RBFOX1: variants seen among roughly 807,000 people sequenced by gnomAD.
The protein encoded by RBFOX1 is RNA binding protein fox-1 homolog 1.
A neutral mutation model predicts 57.7 loss-of-function variants in RBFOX1; 8 were observed. The observed-to-expected ratio is 0.14, with a 90% CI of 0.08 to 0.25. The LOEUF (loss-of-function observed/expected upper bound fraction) is 0.25, where lower values mean the gene tolerates loss of function less well. Ranked by LOEUF, RBFOX1 falls within the 10% of genes least tolerant of loss-of-function variation. The probability of loss-of-function intolerance (pLI) is 1.00; values close to 1 mark genes in which losing one functional copy is unlikely to be tolerated. For synonymous variants in RBFOX1, 326 were observed against 222.4 expected (o/e 1.47, Z -4.15); for missense variants, 611 against 548.5 (o/e 1.11, Z -1.14).
intron 1 of RBFOX1, among the ~76,000 whole-genome samples, chr16:6,176,971 G>T (rs1015012196): frequency 6.6e-6 from 1 of 152,180 alleles, no homozygotes; most frequent in Admixed American, 6.5e-5. Flanking sequence ...TTGGTTGTTG[G>T]CGTTGAATAA....
chr16:6,020,971 G>T (rs1026368983), intron 1 of RBFOX1, among the ~76,000 whole-genome samples: 8 of 152,206 alleles, frequency 5.3e-5, no homozygotes, highest in African/African-American at 1.9e-4. Flanking sequence ...GGCTGGGAGA[G>T]CTCATCGCTC....
chr16:7,041,268 C>G (rs983103974), intron 3 of RBFOX1, among the ~76,000 whole-genome samples: 1 of 151,938 alleles, frequency 6.6e-6, no homozygotes, highest in South Asian at 2.1e-4. Flanking sequence ...ACAGTGGCAC[C>G]CATTTGTTTA....
intron 3 of RBFOX1, among the ~76,000 whole-genome samples, chr16:6,739,834 A>C (rs1439847441): frequency 6.6e-6 from 1 of 152,032 alleles, no homozygotes; most frequent in Non-Finnish European, 1.5e-5. Flanking sequence ...CCAAGATTGC[A>C]CCACTTCACT....
intron 4 of RBFOX1, among the ~76,000 whole-genome samples, chr16:7,233,663 G>C (rs2093625423): frequency 6.6e-6 from 1 of 152,194 alleles, no homozygotes; most frequent in Non-Finnish European, 1.5e-5. Context: ...CTTTCAACAA[G>C]AAATGCGACC....
intron 3 of RBFOX1, among the ~76,000 whole-genome samples, chr16:6,762,171 C>T (rs922718603): frequency 2.6e-5 from 4 of 151,886 alleles, no homozygotes; most frequent in African/African-American, 9.7e-5. Context: ...GTAACAGTAA[C>T]ATAAAAATTC....
At chr16:7,229,060 G>C (rs2093327629) in intron 4 of RBFOX1, among the ~76,000 whole-genome samples, 2 of 150,678 alleles carry the variant, frequency 1.3e-5, no homozygotes, top group South Asian at 4.2e-4. Flanking sequence ...TTTTAAAAAT[G>C]GTTAATAGAC....
chr16:5,858,516 C>G (rs993616860), intron 3 of RBFOX1, among the ~76,000 whole-genome samples: 1 of 152,180 alleles, frequency 6.6e-6, no homozygotes, highest in Non-Finnish European at 1.5e-5. Context: ...TCTTTCCTCT[C>G]TTCTGCCTCT....
intron 2 of RBFOX1, among the ~76,000 whole-genome samples, chr16:6,411,296 T>A (rs1417573320): frequency 6.6e-6 from 1 of 152,198 alleles, no homozygotes; most frequent in Non-Finnish European, 1.5e-5. Context: ...TTTATCTAGA[T>A]AACCATAGGT....
chr16:5,448,817 A>G lies in RBFOX1; in HGVS notation c.220-18399A>G, dbSNP rs561102420. ...CCCAGCATTGCTCTAGGCATCTGGG[A>G]TACATTTAGGAGGAAAGCAGATAAA... On this transcript the variant is annotated intron_variant, in intron 1 of 2. Transcript: ENST00000585867. Among the ~76,000 whole-genome samples the G allele has an allele frequency of 3.9e-5, 6 of 152,284 alleles. No homozygotes were observed. In the South Asian group the frequency reaches 1.2e-3, roughly 32 times the overall value.
At chr16:6,024,743 C>T (rs1338099474) in intron 1 of RBFOX1, among the ~76,000 whole-genome samples, 2 of 152,216 alleles carry the variant, frequency 1.3e-5, no homozygotes, top group Non-Finnish European at 2.9e-5. Context: ...CTCGGCCTCT[C>T]AAAGTGCTAG....
chr16:6,787,139 C>T (rs2082100718), intron 3 of RBFOX1, among the ~76,000 whole-genome samples: 1 of 152,136 alleles, frequency 6.6e-6, no homozygotes, highest in Non-Finnish European at 1.5e-5. Flanking sequence ...TGAGTGCTCT[C>T]CAAGAAACGT....
chr16:7,485,027 T>G (rs2151338857), intron 4 of RBFOX1, among the ~76,000 whole-genome samples: 1 of 151,536 alleles, frequency 6.6e-6, no homozygotes, highest in East Asian at 2.0e-4. Context: ...ATATCAAAAT[T>G]TGTATGCAGG....
In RBFOX1 at chr16:7,492,618, A is replaced by G. The variant is rs181040760; in HGVS notation, c.28-25529A>G. ...AATCTCATGTCAAATTGTAATCCCC[A>G]GTGTTGGACTTAGGGCCTGGTGGGA... On this transcript the variant is annotated intron_variant, in intron 4 of 15. Coordinates refer to ENST00000550418, the MANE Select transcript of RBFOX1 (RefSeq NM_018723.4). 7.2e-5 allele frequency among the ~76,000 whole-genome samples: 11 copies of G among 152,294 alleles called. No homozygotes were observed. The East Asian group carries it at 1.4e-3, about 19-fold the overall frequency.
chr16:6,786,425 A>G (rs2081973291), intron 3 of RBFOX1, among the ~76,000 whole-genome samples: 2 of 152,200 alleles, frequency 1.3e-5, no homozygotes, highest in Non-Finnish European at 2.9e-5. Flanking sequence ...TTCAGGAGGT[A>G]GATCAAGTGG....
intron 1 of RBFOX1, among the ~76,000 whole-genome samples, chr16:6,106,165 A>G (rs537030132): frequency 1.4e-4 from 22 of 152,312 alleles, no homozygotes; most frequent in African/African-American, 5.3e-4. Flanking sequence ...ATCAAGAATC[A>G]GGTAGTTTTG....
At chr16:5,913,451 C>G (rs1239607788) in intron 4 of RBFOX1, among the ~76,000 whole-genome samples, 1 of 152,180 alleles carries the variant, frequency 6.6e-6, no homozygotes, top group Non-Finnish European at 1.5e-5. Context: ...GAGCTCAAGT[C>G]AGAGCTGGCT....
chr16:5,724,956 C>A (rs34522383), intron 3 of RBFOX1, among the ~76,000 whole-genome samples: 1 of 151,996 alleles, frequency 6.6e-6, no homozygotes, highest in African/African-American at 2.4e-5. Context: ...TGGGGAAGGG[C>A]CATGTATCAG....
At chr16:6,157,788 A>G (rs1381174366) in intron 1 of RBFOX1, among the ~76,000 whole-genome samples, 1 of 152,164 alleles carries the variant, frequency 6.6e-6, no homozygotes, top group African/African-American at 2.4e-5. Context: ...TCTCTGTTAT[A>G]TTTCTTGCCA....
intron 4 of RBFOX1, among the ~76,000 whole-genome samples, chr16:7,063,064 C>T (rs2153749579): frequency 6.6e-6 from 1 of 152,150 alleles, no homozygotes; most frequent in South Asian, 2.1e-4. Context: ...AACTCTTCAT[C>T]ATACCCTGCA....
Sources: gnomAD v4.1 joint callset for allele counts (sites outside exome capture counted in the v4.1 genomes callset) on GRCh38, gnomAD v4.1.1 for gene constraint, MANE v1.5 for transcripts, NCBI Gene and HGNC (gene_info 2026-07-23, HGNC 2026-07-21) for gene names.